Variants in SLCO6A1 observed in about 807,000 individuals in gnomAD.
SLCO6A1 encodes the protein cancer/testis antigen 48.
In SLCO6A1, 65 loss-of-function variants were observed where a neutral mutation model predicts 72.7. That is an observed-to-expected ratio of 0.89 (90% confidence interval 0.73 to 1.10). The LOEUF is 1.10. SLCO6A1 is among the 50% of genes least tolerant of loss of function. The pLI, the probability that SLCO6A1 is intolerant of heterozygous loss-of-function variation, is 0.00. For missense variants in SLCO6A1, 874 were observed against 872.6 expected (o/e 1.00, Z -0.02); for synonymous variants, 314 against 298.2 (o/e 1.05, Z -0.55).
At chr5:102,482,389 T>G (rs976703042) in intron 1 of SLCO6A1, among the ~76,000 whole-genome samples, 4 of 152,152 alleles carry the variant, frequency 2.6e-5, no homozygotes, top group African/African-American at 4.8e-5. Context: ...CTCTCAGTGG[T>G]TATGAGACTA....
chr5:102,384,098 G>C (rs1294785001), intron 12 of SLCO6A1, among the ~76,000 whole-genome samples: 1 of 151,616 alleles, frequency 6.6e-6, no homozygotes, highest in East Asian at 1.9e-4. Flanking sequence ...CTAAGGGCTT[G>C]CCAGTTTAAT....
At chr5:102,410,122 C>T (rs1214699255) in intron 9 of SLCO6A1, among the ~76,000 whole-genome samples, 2 of 152,128 alleles carry the variant, frequency 1.3e-5, no homozygotes, top group Non-Finnish European at 2.9e-5. Flanking sequence ...AGGAGAGGAG[C>T]TTTACTGAGT....
At chr5:102,413,423 C>A (rs989157378) in intron 8 of SLCO6A1, among the ~76,000 whole-genome samples, 26 of 151,222 alleles carry the variant, frequency 1.7e-4, no homozygotes, top group African/African-American at 5.3e-4. Context: ...AAAAAAAAAA[C>A]CCAAAAGTTT....
chr5:102,448,550 T>A (rs1750242052), intron 6 of SLCO6A1, among the ~76,000 whole-genome samples: 1 of 152,200 alleles, frequency 6.6e-6, no homozygotes, highest in South Asian at 2.1e-4. Context: ...AGTCTGGGCA[T>A]TCCAGTGTTG....
At chr5:102,379,489 A>C (rs538176070) in intron 12 of SLCO6A1, among the ~76,000 whole-genome samples, 4 of 152,306 alleles carry the variant, frequency 2.6e-5, no homozygotes, top group African/African-American at 7.2e-5. Flanking sequence ...TTAGACATGC[A>C]TAAAATGGCC....
chr5:102,444,364 G>GT (rs1433103929), intron 6 of SLCO6A1, among the ~76,000 whole-genome samples: 1 of 152,072 alleles, frequency 6.6e-6, no homozygotes. Context: ...TTGCATGGCA[G>GT]AAGACACTGA....
At chr5:102,436,165 A>G (rs981884100) in intron 7 of SLCO6A1, among the ~76,000 whole-genome samples, 6 of 152,192 alleles carry the variant, frequency 3.9e-5, no homozygotes, top group African/African-American at 1.4e-4. Flanking sequence ...ATTCCTCAGG[A>G]GTACCTAAAG....
At chr5:102,421,931 A>G (rs929384899) in intron 7 of SLCO6A1, among the ~76,000 whole-genome samples, 6 of 152,242 alleles carry the variant, frequency 3.9e-5, no homozygotes, top group Admixed American at 1.3e-4. Context: ...AGGAGCAGGC[A>G]GCAATCTCTG....
rs112518567 is a variant in SLCO6A1 at position 102,431,982 on chromosome 5, T to C, written c.1276+6635A>G. On this transcript the variant is annotated intron_variant, in intron 7 of 13. Coordinates refer to ENST00000506729, the MANE Select transcript of SLCO6A1 (RefSeq NM_173488.5). ...TGTTGAATTGAACCTTTCACCATTA[T>C]GTAAAGCCCCTCTTTGTTTTTTACA... Among the ~76,000 whole-genome samples, 317 of 152,352 alleles carry C rather than the reference T, an allele frequency of 2.1e-3. 3 individuals are homozygous for C. The highest frequency in any genetic ancestry group is 7.2e-3 in the African/African-American group (301 of 41,596).
intron 3 of SLCO6A1, among the ~76,000 whole-genome samples, chr5:102,476,732 T>C (rs1207424349): frequency 2.6e-5 from 4 of 152,010 alleles, no homozygotes; most frequent in African/African-American, 7.2e-5. Flanking sequence ...AAATTAAAAA[T>C]ATCTTATTTT....
In SLCO6A1 at chr5:102,394,639, AAAAT is replaced by A. The variant is rs1441407041; in HGVS notation, c.1815-3598_1815-3595del. Among the ~76,000 whole-genome samples the A allele has an allele frequency of 3.9e-5, 6 of 152,248 alleles. No individual in the cohort carries two copies. In the East Asian group the frequency reaches 7.7e-4, roughly 20 times the overall value. The stretch of plus-strand genomic sequence containing the variant: ...GCAATGCAATATTATGCAACTGTAA[AAAAT>A]AAATAGAGAGGATCTCTATGTTTAC... On this transcript the variant is annotated intron_variant, in intron 10 of 13. Coordinates refer to ENST00000506729, the MANE Select transcript of SLCO6A1 (RefSeq NM_173488.5).
chr5:102,396,387 C>A (rs1234031732), intron 10 of SLCO6A1, among the ~76,000 whole-genome samples: 2 of 151,996 alleles, frequency 1.3e-5, no homozygotes, highest in Non-Finnish European at 2.9e-5. Flanking sequence ...TTTTAGGGTG[C>A]CTTTTAGCTT....
At chr5:102,432,714 T>A (rs901395222) in intron 7 of SLCO6A1, among the ~76,000 whole-genome samples, 1 of 152,158 alleles carries the variant, frequency 6.6e-6, no homozygotes, top group Non-Finnish European at 1.5e-5. Flanking sequence ...CATTGTTTTT[T>A]CATTTTGAAG....
chr5:102,459,879 GTT>G, intron 4 of SLCO6A1, 102 bp from the exon 5 acceptor site: 23 of 765,824 alleles, frequency 3.0e-5, no homozygotes, highest in Non-Finnish European at 2.9e-5. Context: ...GAGAGGGAGG[GTT>G]GGAGAGTGAG....
At chr5:102,484,831 A>T (rs1314783561) in intron 1 of SLCO6A1, among the ~76,000 whole-genome samples, 1 of 152,234 alleles carries the variant, frequency 6.6e-6, no homozygotes, top group Non-Finnish European at 1.5e-5. Flanking sequence ...TACTATCCTT[A>T]ATAAAATGTG....
chr5:102,425,501 G>T (rs1748843943), intron 7 of SLCO6A1, among the ~76,000 whole-genome samples: 1 of 152,068 alleles, frequency 6.6e-6, no homozygotes, highest in Non-Finnish European at 1.5e-5. Flanking sequence ...AATCATGAGT[G>T]AATTCCCATT....
Position 102,383,668 on chromosome 5 carries a change from G to A in SLCO6A1, c.2017+5020C>T, listed in dbSNP as rs1746249034. ...GGCCCTTAATTTTATCTTCTTTGGA[G>A]TGTTTTCATCTAACTTTGGCATCAG... On this transcript the variant is annotated intron_variant, in intron 12 of 13. Coordinates refer to ENST00000506729, the MANE Select transcript of SLCO6A1 (RefSeq NM_173488.5). 2.0e-5 allele frequency among the ~76,000 whole-genome samples: 3 copies of A among 151,682 alleles called. No homozygotes were observed. The South Asian group carries it at 6.2e-4, about 31-fold the overall frequency.
chr5:102,404,438 T>C (rs534392447), intron 9 of SLCO6A1, among the ~76,000 whole-genome samples: 1 of 152,130 alleles, frequency 6.6e-6, no homozygotes, highest in Non-Finnish European at 1.5e-5. Flanking sequence ...GAGCTTGCAG[T>C]GAGCCAAGAT....
At chr5:102,447,176 G>C (rs1750159509) in intron 6 of SLCO6A1, among the ~76,000 whole-genome samples, 1 of 152,224 alleles carries the variant, frequency 6.6e-6, no homozygotes, top group African/African-American at 2.4e-5. Context: ...TTAGTGATTT[G>C]TGTATGTTGA....
Sources: gnomAD v4.1 joint callset for allele counts (sites outside exome capture counted in the v4.1 genomes callset) on GRCh38, gnomAD v4.1.1 for gene constraint, MANE v1.5 for transcripts, NCBI Gene and HGNC (gene_info 2026-07-23, HGNC 2026-07-21) for gene names.